DMD: variants seen among roughly 807,000 people sequenced by gnomAD.
DMD encodes mutant dystrophin.
Under a neutral mutation model 330.1 loss-of-function variants are expected in DMD, and 63 were observed. The observed-to-expected ratio is 0.19, with a 90% confidence interval of 0.16 to 0.24. The LOEUF is 0.24. Among genes scored for constraint, DMD ranks in the 10% least tolerant of loss-of-function variants. DMD has a pLI of 1.00. For synonymous variants in DMD, 1,223 were observed against 959.8 expected (o/e 1.27, Z -5.07); for missense variants, 3,344 against 2,684.1 (o/e 1.25, Z -5.43).
chrX:31,683,304 A>C (rs766585810), intron 52 of DMD, among the ~76,000 whole-genome samples: 1 of 112,316 alleles, frequency 8.9e-6, no homozygotes, highest in East Asian at 2.8e-4. Context: ...GAACTTGGAA[A>C]ACAAAAGGGT....
chrX:32,822,922 C>T (rs183748896), intron 5 of DMD, among the ~76,000 whole-genome samples: 32 of 111,246 alleles, frequency 2.9e-4, no homozygotes, highest in African/African-American at 9.5e-4. Context: ...GTTAAGAATA[C>T]CCAAGACTGA....
intron 50 of DMD, among the ~76,000 whole-genome samples, chrX:31,798,219 A>G (rs998547921): frequency 9.0e-6 from 1 of 111,519 alleles, no homozygotes; most frequent in Non-Finnish European, 1.9e-5. Flanking sequence ...TTTGTTCTAG[A>G]AGTTTTGTCT....
chrX:32,243,899 C>A (rs561519882), intron 43 of DMD, among the ~76,000 whole-genome samples: 2 of 109,793 alleles, frequency 1.8e-5, no homozygotes, highest in African/African-American at 6.6e-5. Context: ...ATTTTGTTTT[C>A]TCTTTGAAAA....
rs2032497484 is a variant in DMD, at chrX:31,121,426, T to TG, written c.*492_*493insC. 2.9e-5 allele frequency: 3 copies of TG among 102,888 alleles called. No individual in the cohort carries two copies. The highest frequency in any genetic ancestry group is 1.4e-4 in the African/African-American group (3 of 22,038). 8.5% of individuals were successfully genotyped at this position (102,888 alleles called of 1,213,427 possible). Reference sequence around the variant, plus strand: ...CAAAACAATGCGCTGCCTCAAAGTTTTGTGTGTGTGTGTGTATGTGTGTGT... The same window carrying TG: ...CAAAACAATGCGCTGCCTCAAAGTTTGTGTGTGTGTGTGTGTATGTGTGTGT... On this transcript the variant is annotated 3_prime_UTR_variant, in exon 79 of 79. Coordinates refer to ENST00000357033, the MANE Select transcript of DMD (RefSeq NM_004006.3).
chrX:32,828,398 T>A (rs2078895794), intron 4 of DMD, among the ~76,000 whole-genome samples: 1 of 110,251 alleles, frequency 9.1e-6, no homozygotes, highest in Non-Finnish European at 1.9e-5. Flanking sequence ...CTGATGCTTC[T>A]ACTGTTATTA....
At chrX:31,784,016 C>T (rs192721815) in intron 50 of DMD, among the ~76,000 whole-genome samples, 84 of 111,673 alleles carry the variant, frequency 7.5e-4, no homozygotes, top group African/African-American at 2.0e-3. Flanking sequence ...ATTTATAGAA[C>T]GGGAAACTAA....
chrX:32,714,953 A>C (rs1369564902), intron 7 of DMD, among the ~76,000 whole-genome samples: 1 of 111,377 alleles, frequency 9.0e-6, no homozygotes, highest in African/African-American at 3.3e-5. Context: ...CCACCCTCTG[A>C]CCACGAGAAG....
chrX:31,729,795 T>C (rs2086366503), intron 51 of DMD, 47 bp from the exon 52 acceptor site: 10 of 1,016,140 alleles, frequency 9.8e-6, no homozygotes, highest in Non-Finnish European at 1.4e-5. Context: ...CAGCGTTGTG[T>C]ATTCCTTTTA....
chrX:33,334,450 G>A (rs1160239362), intron 1 of DMD, among the ~76,000 whole-genome samples: 1 of 110,858 alleles, frequency 9.0e-6, no homozygotes, highest in East Asian at 2.8e-4. Flanking sequence ...CCTATCGAGG[G>A]CCAGATAGTA....
At chrX:32,071,667 A>T (rs1047186878) in intron 44 of DMD, among the ~76,000 whole-genome samples, 1 of 110,217 alleles carries the variant, frequency 9.1e-6, no homozygotes, top group Non-Finnish European at 1.9e-5. Context: ...ATAAAAAAAA[A>T]ATCTCAGAAA....
At chrX:32,812,273 A>G (rs1350296046) in intron 6 of DMD, among the ~76,000 whole-genome samples, 1 of 111,801 alleles carries the variant, frequency 8.9e-6, no homozygotes, top group Admixed American at 9.5e-5. Context: ...AAACAAAAAA[A>G]CAAAATAACG....
At chrX:31,798,048 G>A (rs2091907602) in intron 50 of DMD, among the ~76,000 whole-genome samples, 3 of 112,078 alleles carry the variant, frequency 2.7e-5, no homozygotes, top group South Asian at 3.7e-4. Context: ...AAATAGTGAG[G>A]ATGATAGTAC....
intron 1 of DMD, among the ~76,000 whole-genome samples, chrX:33,050,009 T>C (rs1489882545): frequency 8.9e-6 from 1 of 112,073 alleles, no homozygotes; most frequent in Admixed American, 9.5e-5. Context: ...TATTAAAACG[T>C]GTATTTAAAA....
At chrX:32,763,244 T>A (rs982575077) in intron 7 of DMD, among the ~76,000 whole-genome samples, 1 of 112,400 alleles carries the variant, frequency 8.9e-6, no homozygotes, top group African/African-American at 3.2e-5. Flanking sequence ...AATTATTTAA[T>A]ACAATCGTTA....
intron 47 of DMD, among the ~76,000 whole-genome samples, chrX:31,906,739 A>G (rs933135853): frequency 1.8e-5 from 2 of 112,144 alleles, no homozygotes; most frequent in African/African-American, 6.5e-5. Context: ...CTCCACAGAA[A>G]TGATTGAAAT....
chrX:31,750,652 C>G (rs78847770), intron 51 of DMD, among the ~76,000 whole-genome samples: 11 of 110,244 alleles, frequency 1.0e-4, no homozygotes, highest in Non-Finnish European at 1.9e-4. Context: ...CCAGGGCAAT[C>G]AGGCAGGAGA....
chrX:33,003,821 A>G (rs1212525979), intron 2 of DMD, among the ~76,000 whole-genome samples: 1 of 112,501 alleles, frequency 8.9e-6, no homozygotes, highest in Non-Finnish European at 1.9e-5. Flanking sequence ...CACATATTAT[A>G]TAGTGAGGCA....
At chrX:33,079,431 C>T (rs2094893348) in intron 1 of DMD, among the ~76,000 whole-genome samples, 1 of 111,602 alleles carries the variant, frequency 9.0e-6, no homozygotes, top group Non-Finnish European at 1.9e-5. Context: ...ACCTCTGTGG[C>T]ACATAGCCAT....
rs16990932 is a variant in DMD at position 33,154,825 on chromosome X, C to G, written c.31+56457G>C. Among the ~76,000 whole-genome samples, 1,092 of 111,953 alleles carry G rather than the reference C, an allele frequency of 9.8e-3. 16 individuals carry two copies. Among genetic ancestry groups the G allele is most frequent in the African/African-American group, 0.034 (1,040 of 30,849 alleles). ...CCATTTTACAATCCAATTGTCATTT[C>G]TAAGAGGATATTGGAATTACTCATG... On this transcript the variant is annotated intron_variant, in intron 1 of 78. Coordinates refer to ENST00000357033, the MANE Select transcript of DMD (RefSeq NM_004006.3).
Sources: gnomAD v4.1 joint callset for allele counts (sites outside exome capture counted in the v4.1 genomes callset) on GRCh38, gnomAD v4.1.1 for gene constraint, MANE v1.5 for transcripts, NCBI Gene and HGNC (gene_info 2026-07-23, HGNC 2026-07-21) for gene names.